Variants in FIGNL2 observed in about 807,000 individuals in gnomAD.
FIGNL2 encodes fidgetin-like protein 2.
For synonymous variants in FIGNL2, 565 were observed against 484.0 expected (o/e 1.17, Z -2.20); for missense variants, 1,060 against 950.2 (o/e 1.12, Z -1.52).
At chr12:51,829,081 C>G (rs1485628788) in intron 1 of FIGNL2, among the ~76,000 whole-genome samples, 1 of 152,210 alleles carries the variant, frequency 6.6e-6, no homozygotes, top group Non-Finnish European at 1.5e-5. Context: ...CAAGGAGGGG[C>G]AGCTGTGAGT....
chr12:51,821,868 C>A lies in FIGNL2; in HGVS notation c.546G>T (p.Pro182=). 1.5e-6 allele frequency: 2 copies of A among 1,297,326 alleles called. No individual in the cohort carries two copies. The highest frequency in any genetic ancestry group is 1.9e-6 in the Non-Finnish European group (2 of 1,025,768). 80.4% of individuals were successfully genotyped at this position (1,297,326 alleles called of 1,614,324 possible). The stretch of plus-strand genomic sequence containing the variant: ...GGGGCTGCAGGAGCGCGGCCGGGGG[C>A]GGCGGGGGCAGCGCGGCGCCCGTCT... ...CAQTGAALPP[P]PPAALLQPPP... The change falls in exon 2 of 2, where the codon CCG becomes CCT. Residue 182 remains proline (P), a synonymous_variant. Transcript: ENST00000618634.
intron 1 of FIGNL2, among the ~76,000 whole-genome samples, chr12:51,843,254 A>G (rs1476280884): frequency 6.6e-6 from 1 of 152,298 alleles, no homozygotes; most frequent in East Asian, 1.9e-4. Flanking sequence ...TGTTAATAGT[A>G]AATGAAGTCT....
intron 1 of FIGNL2, chr12:51,844,734 TA>T (rs1426382486): frequency 1.7e-5 from 17 of 980,274 alleles, no homozygotes; most frequent in East Asian, 2.3e-4. Flanking sequence ...AAGTGGACCC[TA>T]AAAAAAAAGC....
intron 1 of FIGNL2, among the ~76,000 whole-genome samples, 167 bp from the exon 2 acceptor site, chr12:51,822,591 T>TA (rs1939247815): frequency 6.6e-6 from 1 of 152,202 alleles, no homozygotes; most frequent in South Asian, 2.1e-4. Context: ...AGGCACCAAA[T>TA]ACACTTCTTA....
At chr12:51,846,931 TG>T in intron 1 of FIGNL2, 2 of 904,998 alleles carry the variant, frequency 2.2e-6, no homozygotes, top group Non-Finnish European at 2.6e-6. Flanking sequence ...GTGTTAAACA[TG>T]GGAAAGGGGA....
At chr12:51,847,313 G>C (rs1301217441) in intron 1 of FIGNL2, 1 of 985,344 alleles carries the variant, frequency 1.0e-6, no homozygotes, top group Non-Finnish European at 1.2e-6. Flanking sequence ...CTCCACAGGG[G>C]AGGCCCCACG....
At position 51,819,529 on chromosome 12, in the gene FIGNL2, T is replaced by C. The variant is rs1939121435; in HGVS notation, c.*923A>G. 6.6e-6 allele frequency: 1 copy of C among 152,376 alleles called. No homozygotes were observed. The highest frequency in any genetic ancestry group is 1.5e-5 in the Non-Finnish European group (1 of 68,008). 9.4% of individuals were successfully genotyped at this position (152,376 alleles called of 1,614,324 possible). ...TTTTTGAGTGTCTGGGAGAATTTGG[T>C]CCCCTGGATGGAGTGGGGGGGAGGG... On this transcript the variant is annotated 3_prime_UTR_variant, in exon 2 of 2. Coordinates refer to ENST00000618634, the MANE Select transcript of FIGNL2 (RefSeq NM_001384995.1).
intron 1 of FIGNL2, among the ~76,000 whole-genome samples, chr12:51,831,030 C>T (rs1003318335): frequency 3.3e-5 from 5 of 151,890 alleles, no homozygotes; most frequent in African/African-American, 7.3e-5. Context: ...CCTCAAACTC[C>T]GGGGCTCAGG....
chr12:51,821,605 G>C lies in FIGNL2; in HGVS notation c.809C>G (p.Ala270Gly), dbSNP rs1428490008. 1 of 1,502,852 alleles carries C rather than the reference G, an allele frequency of 6.7e-7. No homozygotes were observed. The highest frequency in any genetic ancestry group is 8.8e-7 in the Non-Finnish European group (1 of 1,131,902). The allele number at this position is 1,502,852 out of a possible 1,614,324, so 93.1% of individuals were successfully genotyped here. Reference protein sequence around the residue: ...ESGLSLKRKAADEGPEGRYRK... With the variant: ...ESGLSLKRKAGDEGPEGRYRK... ...GTAGCGGCCCTCGGGCCCCTCGTCG[G>C]CGGCCTTGCGCTTCAGCGACAGCCC... The change falls in exon 2 of 2, where the codon GCC becomes GGC. Residue 270 changes from alanine (A) to glycine (G), a missense_variant. Physicochemically the swap from Ala to Gly is moderately conservative, Grantham distance 60. Coordinates refer to ENST00000618634, the MANE Select transcript of FIGNL2 (RefSeq NM_001384995.1).
chr12:51,848,139 C>A, intron 1 of FIGNL2: 2 of 985,172 alleles, frequency 2.0e-6, no homozygotes, highest in Non-Finnish European at 2.4e-6. Flanking sequence ...GAGGGGCCTG[C>A]GGGCCGGCCC....
Position 51,821,195 on chromosome 12 carries a change from C to G in FIGNL2, c.1219G>C (p.Glu407Gln), listed in dbSNP as rs1939176532. ...GGCCTGAGCAGGGGCCACACCAGCT[C>G]CTCCTCCAGCGCCGCCTTGAGCGCG... ...QGALKAALEE[E>Q]LVWPLLRPPA... The change falls in exon 2 of 2, where the codon GAG (glutamate) becomes CAG (glutamine). Residue 407 changes from glutamate (E) to glutamine (Q), a missense_variant. Transcript: ENST00000618634. The G allele has an allele frequency of 6.6e-7, 1 of 1,518,218 alleles. No homozygotes were observed. Among genetic ancestry groups the G allele is most frequent in the African/African-American group, 1.4e-5 (1 of 69,926 alleles). The allele number at this position is 1,518,218 out of a possible 1,614,324, so 94.0% of individuals were successfully genotyped here. A position where few individuals can be genotyped will look rare whatever the true frequency, so the allele number is the denominator to read the frequency against.
At position 51,821,076 on chromosome 12, in the gene FIGNL2, G is replaced by A. The variant is rs957062170; in HGVS notation, c.1338C>T (p.Ala446=). ...GCAACAGCGTGGCGCCCAGCTGCGTGGCGAGGCAGCGGCCCAGCAGCGCTT... is the reference window on the plus strand; with the variant it reads ...GCAACAGCGTGGCGCCCAGCTGCGTAGCGAGGCAGCGGCCCAGCAGCGCTT... ...AGKALLGRCL[A]TQLGATLLRL... Residue 446 remains alanine, a synonymous_variant, in exon 2 of 2, where the codon GCC becomes GCT. Transcript: ENST00000618634. 2.4e-5 allele frequency: 31 copies of A among 1,289,676 alleles called. No individual in the cohort carries two copies. The highest frequency in any genetic ancestry group is 2.9e-5 in the Non-Finnish European group (30 of 1,023,350). The allele number at this position is 1,289,676 out of a possible 1,614,324, so 79.9% of individuals were successfully genotyped here.
At chr12:51,836,558 TG>T (rs1435905801) in intron 1 of FIGNL2, among the ~76,000 whole-genome samples, 1 of 152,114 alleles carries the variant, frequency 6.6e-6, no homozygotes, top group African/African-American at 2.4e-5. Flanking sequence ...TCTCTGTTGG[TG>T]GGGGGCGGAT....
intron 1 of FIGNL2, chr12:51,848,119 G>A (rs912774049): frequency 2.0e-5 from 20 of 984,694 alleles, no homozygotes; most frequent in Non-Finnish European, 2.4e-5. Flanking sequence ...ACAAAGACCT[G>A]ACGGAGTGGG....
intron 1 of FIGNL2, among the ~76,000 whole-genome samples, chr12:51,832,134 A>C (rs1161169302): frequency 6.6e-6 from 1 of 152,156 alleles, no homozygotes; most frequent in African/African-American, 2.4e-5. Context: ...CTCCTGCCTC[A>C]GCCTCCTAAG....
chr12:51,822,154 G>A lies in FIGNL2; in HGVS notation c.260C>T (p.Ser87Phe). 6.2e-7 allele frequency: 1 copy of A among 1,611,692 alleles called. No homozygotes were observed. Among genetic ancestry groups the A allele is most frequent in the African/African-American group, 1.3e-5 (1 of 75,008 alleles). The change falls in exon 2 of 2, where the codon TCC becomes TTC. Residue 87 changes from serine to phenylalanine, a missense_variant. Coordinates refer to ENST00000618634, the MANE Select transcript of FIGNL2 (RefSeq NM_001384995.1). ...RPALGGYSDA[S>F]FLNGAKGDPE... ...ATCCCCTTTGGCGCCGTTGAGGAAGGAGGCGTCGCTGTACCCGCCCAGGGC... is the reference window on the plus strand; with the variant it reads ...ATCCCCTTTGGCGCCGTTGAGGAAGAAGGCGTCGCTGTACCCGCCCAGGGC...
At chr12:51,845,085 G>A (rs902115066) in intron 1 of FIGNL2, among the ~76,000 whole-genome samples, 5 of 152,200 alleles carry the variant, frequency 3.3e-5, no homozygotes, top group Non-Finnish European at 5.9e-5. Context: ...ATTAACGGAA[G>A]TGCATTTTTC....
chr12:51,833,965 A>G (rs1939521889), intron 1 of FIGNL2, among the ~76,000 whole-genome samples: 1 of 151,822 alleles, frequency 6.6e-6, no homozygotes, highest in Non-Finnish European at 1.5e-5. Context: ...GGATGGATGG[A>G]TGAATGGACA....
intron 1 of FIGNL2, among the ~76,000 whole-genome samples, chr12:51,833,934 A>AGGATGGATGGACAGACGGAC (rs1939520878): frequency 6.7e-6 from 1 of 149,934 alleles, no homozygotes; most frequent in East Asian, 1.9e-4. Context: ...AATAGACTAC[A>AGGATGGATGGACAGACGGAC]GGATGGATGG....
Sources: gnomAD v4.1 joint callset for allele counts (sites outside exome capture counted in the v4.1 genomes callset) on GRCh38, gnomAD v4.1.1 for gene constraint, MANE v1.5 for transcripts, NCBI Gene and HGNC (gene_info 2026-07-23, HGNC 2026-07-21) for gene names.